Variants in RSU1 observed in about 807,000 individuals in gnomAD.
The protein encoded by RSU1 is rsu-1.
RSU1 carries 26 observed loss-of-function variants against 31.1 expected under a neutral mutation model. That is an observed-to-expected ratio of 0.84 (90% CI 0.61 to 1.16). The LOEUF (loss-of-function observed/expected upper bound fraction) is 1.16, where lower values mean the gene tolerates loss of function less well. Ranked by LOEUF, RSU1 falls within the 50% of genes most tolerant of loss-of-function variation. The pLI is 0.00. For missense variants in RSU1, 320 were observed against 339.1 expected (o/e 0.94, Z 0.44); for synonymous variants, 164 against 136.3 (o/e 1.20, Z -1.41).
chr10:16,672,056 T>G (rs1011385782), intron 8 of RSU1, among the ~76,000 whole-genome samples: 5 of 150,024 alleles, frequency 3.3e-5, no homozygotes, highest in African/African-American at 1.2e-4. Context: ...CCCAGCACTT[T>G]AGGAGGCTGA....
chr10:16,633,342 T>G (rs1290624182), intron 8 of RSU1, among the ~76,000 whole-genome samples: 1 of 152,056 alleles, frequency 6.6e-6, no homozygotes, highest in Non-Finnish European at 1.5e-5. Flanking sequence ...AATTTAAAAA[T>G]CAGCACAGCT....
At chr10:16,612,268 AG>A (rs1017081029) in intron 8 of RSU1, among the ~76,000 whole-genome samples, 2 of 152,250 alleles carry the variant, frequency 1.3e-5, no homozygotes, top group African/African-American at 2.4e-5. Flanking sequence ...TGTATGCTTG[AG>A]GAAAATAGCA....
At chr10:16,792,893 G>A (rs1170165753) in intron 2 of RSU1, among the ~76,000 whole-genome samples, 3 of 152,146 alleles carry the variant, frequency 2.0e-5, no homozygotes, top group Non-Finnish European at 4.4e-5. Flanking sequence ...GTCAGCACCG[G>A]GCAGCAATGC....
At chr10:16,722,697 G>C (rs1836290600) in intron 7 of RSU1, among the ~76,000 whole-genome samples, 1 of 152,082 alleles carries the variant, frequency 6.6e-6, no homozygotes, top group East Asian at 1.9e-4. Flanking sequence ...CCAGACAATA[G>C]AGGTTAGAGA....
At chr10:16,756,774 C>T (rs1280272167) in intron 4 of RSU1, among the ~76,000 whole-genome samples, 1 of 152,012 alleles carries the variant, frequency 6.6e-6, no homozygotes, top group East Asian at 1.9e-4. Flanking sequence ...GCTCCCGCAA[C>T]CCATGTGTTG....
chr10:16,646,274 C>T (rs1448102849), intron 8 of RSU1, among the ~76,000 whole-genome samples: 1 of 151,950 alleles, frequency 6.6e-6, no homozygotes, highest in Non-Finnish European at 1.5e-5. Context: ...GAGAAAGACA[C>T]CAGGTCAGGA....
intron 8 of RSU1, among the ~76,000 whole-genome samples, chr10:16,606,152 C>T (rs986441390): frequency 1.3e-5 from 2 of 152,170 alleles, no homozygotes; most frequent in African/African-American, 2.4e-5. Context: ...CTTGCGGACA[C>T]TTTTGTACAG....
At chr10:16,660,645 CTTT>C (rs796601054) in intron 8 of RSU1, among the ~76,000 whole-genome samples, 8 of 79,538 alleles carry the variant, frequency 1.0e-4, no homozygotes, top group African/African-American at 2.3e-4. Flanking sequence ...CTTGAACTCT[CTTT>C]TTTTTTTTTT....
At chr10:16,728,688 G>T (rs1055869095) in intron 7 of RSU1, among the ~76,000 whole-genome samples, 1 of 152,206 alleles carries the variant, frequency 6.6e-6, no homozygotes. Flanking sequence ...ATCTTGAGTT[G>T]GGGAGGTTAT....
chr10:16,680,301 C>A (rs1445292047), intron 8 of RSU1, among the ~76,000 whole-genome samples: 2 of 151,864 alleles, frequency 1.3e-5, no homozygotes, highest in East Asian at 3.9e-4. Flanking sequence ...CACGTGAAGC[C>A]TGGACATAAG....
At chr10:16,788,256 C>T (rs919291512) in intron 2 of RSU1, among the ~76,000 whole-genome samples, 1 of 152,178 alleles carries the variant, frequency 6.6e-6, no homozygotes, top group African/African-American at 2.4e-5. Context: ...CCCCTGGTTT[C>T]CCGTTACCAA....
intron 8 of RSU1, among the ~76,000 whole-genome samples, chr10:16,639,641 G>A (rs1422729036): frequency 6.6e-6 from 1 of 152,232 alleles, no homozygotes. Context: ...AGAGCACAGA[G>A]CTGAGACTCG....
intron 8 of RSU1, among the ~76,000 whole-genome samples, chr10:16,609,114 C>T (rs1283498602): frequency 6.6e-6 from 1 of 152,178 alleles, no homozygotes; most frequent in Non-Finnish European, 1.5e-5. Flanking sequence ...CTCAGACCTT[C>T]TGGGATTACA....
chr10:16,775,852 T>C (rs747439199), intron 3 of RSU1, among the ~76,000 whole-genome samples: 22 of 152,220 alleles, frequency 1.4e-4, no homozygotes, highest in Admixed American at 2.6e-4. Flanking sequence ...AAATGTGCAG[T>C]AATTTAAAAA....
intron 2 of RSU1, among the ~76,000 whole-genome samples, chr10:16,810,100 T>C (rs1403480514): frequency 1.3e-5 from 2 of 151,850 alleles, no homozygotes; most frequent in Non-Finnish European, 2.9e-5. Flanking sequence ...GCATGGTAGC[T>C]GGCACCTGTA....
chr10:16,745,789 C>T (rs1176199224), intron 7 of RSU1, among the ~76,000 whole-genome samples: 1 of 152,136 alleles, frequency 6.6e-6, no homozygotes, highest in Non-Finnish European at 1.5e-5. Flanking sequence ...AGGTTTGAAC[C>T]CAAGCCTAGT....
chr10:16,671,607 C>T (rs1197758301), intron 8 of RSU1, among the ~76,000 whole-genome samples: 2 of 151,816 alleles, frequency 1.3e-5, no homozygotes, highest in East Asian at 3.9e-4. Context: ...TACCACCACA[C>T]CTGACTCAAA....
At chr10:16,650,576 C>CTTT (rs139231306) in intron 8 of RSU1, among the ~76,000 whole-genome samples, 5,168 of 112,506 alleles carry the variant, frequency 0.046, 601 homozygotes, top group African/African-American at 0.17. Context: ...TCCTGAAAAG[C>CTTT]TTTTTTTTTT....
chr10:16,622,098 C>T (rs1378196408), intron 8 of RSU1, among the ~76,000 whole-genome samples: 1 of 152,174 alleles, frequency 6.6e-6, no homozygotes, highest in Non-Finnish European at 1.5e-5. Flanking sequence ...TACATACCTA[C>T]TAAATGCCCA....
Sources: gnomAD v4.1 joint callset for allele counts (sites outside exome capture counted in the v4.1 genomes callset) on GRCh38, gnomAD v4.1.1 for gene constraint, MANE v1.5 for transcripts, NCBI Gene and HGNC (gene_info 2026-07-23, HGNC 2026-07-21) for gene names.